GYS1: variants seen among roughly 807,000 people sequenced by gnomAD.
The protein encoded by GYS1 is glycogen [starch] synthase, muscle.
In GYS1, 60 loss-of-function variants were observed where a neutral mutation model predicts 89.1. The observed-to-expected ratio is 0.67, with a 90% CI of 0.55 to 0.84. The LOEUF (loss-of-function observed/expected upper bound fraction) is 0.84, where lower values mean the gene tolerates loss of function less well. Ranked by LOEUF, GYS1 falls within the 40% of genes least tolerant of loss-of-function variation. GYS1 has a pLI of 0.00. For missense variants in GYS1, 888 were observed against 1,003.1 expected, an observed-to-expected ratio of 0.89 and a Z score of 1.55; for synonymous variants, 366 against 401.7, an observed-to-expected ratio of 0.91 and a Z score of 1.06.
chr19:48,968,376 G>A lies in GYS1; in HGVS notation c.*912C>T. The A allele has an allele frequency of 2.2e-6, 1 of 454,518 alleles. No individual in the cohort carries two copies. The highest frequency in any genetic ancestry group is 4.4e-6 in the Non-Finnish European group (1 of 226,800). The allele number at this position is 454,518 out of a possible 1,614,324, so 28.2% of individuals were successfully genotyped here. ...ATCATGGGAAAGGGATCAGTATGCA[G>A]TAACGTGGTAAGGTTCCAGATCTAG... On this transcript the variant is annotated 3_prime_UTR_variant, in exon 16 of 16. Transcript: ENST00000323798.
In GYS1 at chr19:48,993,249, C is replaced by A; in HGVS notation, c.-137G>T. On this transcript the variant is annotated 5_prime_UTR_variant, in exon 1 of 16. Transcript: ENST00000323798. ...TTGCAAGACGCTCGGCTTCCTATTG[C>A]AAGACCGCACCCCTGCCCCGAAGCG... 1.3e-6 allele frequency: 1 copy of A among 751,782 alleles called. No homozygotes were observed. Among genetic ancestry groups the A allele is most frequent in the Non-Finnish European group, 2.4e-6 (1 of 411,324 alleles). The allele number at this position is 751,782 out of a possible 1,614,324, so 46.6% of individuals were successfully genotyped here. A position where few individuals can be genotyped will look rare whatever the true frequency, so the allele number is the denominator to read the frequency against.
At chr19:48,974,542 G>T in intron 11 of GYS1, 78 bp downstream of exon 11, 1 of 1,080,270 alleles carries the variant, frequency 9.3e-7, no homozygotes, top group Non-Finnish European at 1.4e-6. Context: ...AACTTATAGG[G>T]GAATGGAGTG....
chr19:48,974,071 G>A (rs141287436), intron 12 of GYS1, 142 bp downstream of exon 12: 34 of 874,054 alleles, frequency 3.9e-5, no homozygotes, highest in South Asian at 1.0e-4. Context: ...AAAAGCACGC[G>A]CTGTAGCAGA....
intron 2 of GYS1, among the ~76,000 whole-genome samples, chr19:48,989,296 A>G (rs2038886984): frequency 1.3e-5 from 2 of 151,584 alleles, no homozygotes; most frequent in Non-Finnish European, 2.9e-5. Context: ...AGCCTGGGCA[A>G]CATGGTGAAA....
At chr19:48,981,357 G>A (rs2038758802) in intron 8 of GYS1, 173 bp downstream of exon 8, 1 of 619,472 alleles carries the variant, frequency 1.6e-6, no homozygotes, top group Non-Finnish European at 3.0e-6. Context: ...AGGTTGCAGT[G>A]AGCCAAGATC....
chr19:48,982,458 G>A, intron 6 of GYS1, 83 bp from the exon 7 acceptor site: 4 of 1,526,136 alleles, frequency 2.6e-6, no homozygotes, highest in Non-Finnish European at 2.7e-6. Flanking sequence ...CAGAAGCTAT[G>A]GGTGGGGGGG....
rs771578713 is a variant in GYS1 at position 48,969,251 on chromosome 19, G to C, written c.*37C>G. 1 of 1,511,962 alleles carries C rather than the reference G, an allele frequency of 6.6e-7. No homozygotes were observed. The highest frequency in any genetic ancestry group is 1.2e-5 in the South Asian group (1 of 82,452). 93.7% of individuals were successfully genotyped at this position (1,511,962 alleles called of 1,614,324 possible). A position where few individuals can be genotyped will look rare whatever the true frequency, so the allele number is the denominator to read the frequency against. On this transcript the variant is annotated 3_prime_UTR_variant, in exon 16 of 16. Transcript: ENST00000323798. ...CCCTCTGCATCCTCTCTCTGGAGCA[G>C]AGAGGCAGGACAGGCGGGGAGTGTG...
chr19:48,975,233 A>T (rs1195978427), intron 10 of GYS1, among the ~76,000 whole-genome samples: 7 of 134,842 alleles, frequency 5.2e-5, no homozygotes, highest in Admixed American at 2.2e-4. Flanking sequence ...GCTCAGCCTA[A>T]TTTTTTTTTT....
Position 48,978,044 on chromosome 19 carries a change from G to C in GYS1, c.1230-42C>G, listed in dbSNP as rs769275571. On this transcript the variant is annotated intron_variant, in intron 9 of 15. Coordinates refer to ENST00000323798, the MANE Select transcript of GYS1 (RefSeq NM_002103.5). ...GGCATGCATGTGAGAACGGAGTAATGAGAGGGGTTAGTCAGGGCCTAGGAG... is the reference window on the plus strand; with the variant it reads ...GGCATGCATGTGAGAACGGAGTAATCAGAGGGGTTAGTCAGGGCCTAGGAG... The C allele has an allele frequency of 1.4e-5, 22 of 1,607,876 alleles. No homozygotes were observed. In the Admixed American group the frequency reaches 1.7e-4, roughly 12 times the overall value.
At chr19:48,988,179 T>C (rs2038870859) in intron 2 of GYS1, among the ~76,000 whole-genome samples, 1 of 152,178 alleles carries the variant, frequency 6.6e-6, no homozygotes, top group Admixed American at 6.6e-5. Flanking sequence ...ATATGTCACA[T>C]GTCCTGTGTC....
At chr19:48,974,865 T>G in intron 10 of GYS1, 132 bp from the exon 11 acceptor site, 1 of 648,326 alleles carries the variant, frequency 1.5e-6, no homozygotes, top group Non-Finnish European at 2.8e-6. Flanking sequence ...CAAACCCAAG[T>G]GATCACCAGG....
At chr19:48,988,020 T>A (rs2038868481) in intron 2 of GYS1, among the ~76,000 whole-genome samples, 2 of 152,304 alleles carry the variant, frequency 1.3e-5, no homozygotes, top group Non-Finnish European at 2.9e-5. Context: ...GCCAGGATGA[T>A]CTCCATTTCC....
At chr19:48,989,609 G>T (rs2038891948) in intron 2 of GYS1, among the ~76,000 whole-genome samples, 1 of 151,932 alleles carries the variant, frequency 6.6e-6, no homozygotes, top group Admixed American at 6.6e-5. Flanking sequence ...ATTTTTAGTA[G>T]AGACAGAGTT....
At position 48,991,522 on chromosome 19, in the gene GYS1, G is replaced by A; in HGVS notation, c.119-39C>T. ...CGTGTGAGGGCAGGCCCCGGCCGAG[G>A]TCCATAGTTCTGGGGCCTGGGGTGG... is the stretch of plus-strand genomic sequence containing the variant. On this transcript the variant is annotated intron_variant, in intron 1 of 15. Coordinates refer to ENST00000323798, the MANE Select transcript of GYS1 (RefSeq NM_002103.5). The surrounding 1 kb of genome is among the most constrained non-coding windows in gnomAD (Gnocchi z 4.7). The A allele has an allele frequency of 1.2e-6, 2 of 1,605,736 alleles. No individual in the cohort carries two copies. The highest frequency in any genetic ancestry group is 1.7e-4 in the Middle Eastern group (1 of 6,040).
intron 8 of GYS1, among the ~76,000 whole-genome samples, chr19:48,979,954 T>C (rs79191943): frequency 1.3e-5 from 2 of 152,076 alleles, no homozygotes; most frequent in Admixed American, 1.3e-4. Context: ...ACTTCTTTTT[T>C]ATTTTTTTGA....
At chr19:48,983,036 G>C (rs549364028) in intron 5 of GYS1, among the ~76,000 whole-genome samples, 199 bp from the exon 6 acceptor site, 2 of 152,220 alleles carry the variant, frequency 1.3e-5, no homozygotes, top group South Asian at 4.1e-4. Context: ...GCTCAGGCTG[G>C]AGAGCAGTGG....
chr19:48,973,505 ATTTTTTTT>A (rs34032782), intron 12 of GYS1, among the ~76,000 whole-genome samples: 5 of 120,616 alleles, frequency 4.1e-5, no homozygotes, highest in African/African-American at 1.6e-4. Flanking sequence ...TTTAGCTTTA[ATTTTTTTT>A]TTTTTTTTTT....
Position 48,968,507 on chromosome 19 carries a change from T to A in GYS1, c.*781A>T, listed in dbSNP as rs1399658770. The A allele has an allele frequency of 6.6e-6, 3 of 454,400 alleles. No homozygotes were observed. Among genetic ancestry groups the A allele is most frequent in the African/African-American group, 6.0e-5 (3 of 49,992 alleles). The allele number at this position is 454,400 out of a possible 1,614,324, so 28.1% of individuals were successfully genotyped here. On this transcript the variant is annotated 3_prime_UTR_variant, in exon 16 of 16. Transcript: ENST00000323798. ...CCAGCTCTGTCCTCTGCAGGCGGAT[T>A]CCCTGGAGGGAGATCTCAGATTTAG... is the stretch of plus-strand genomic sequence containing the variant.
intron 2 of GYS1, among the ~76,000 whole-genome samples, chr19:48,989,969 C>T (rs1421581512): frequency 4.6e-5 from 7 of 151,534 alleles, no homozygotes; most frequent in African/African-American, 1.7e-4. Flanking sequence ...GAGGTCCCTC[C>T]CCCTCCCAGC....
Sources: gnomAD v4.1 joint callset for allele counts (sites outside exome capture counted in the v4.1 genomes callset) on GRCh38, gnomAD v4.1.1 for gene constraint, Gnocchi (gnomAD v3.1) non-coding constraint, MANE v1.5 for transcripts, NCBI Gene and HGNC (gene_info 2026-07-23, HGNC 2026-07-21) for gene names.